Variants in NTMT1 observed in about 807,000 individuals in gnomAD.
NTMT1 encodes N-terminal RCC1 methyltransferase.
A neutral mutation model predicts 17.5 loss-of-function variants in NTMT1; 8 were observed. The ratio of observed to expected loss-of-function variants is 0.46; its 90% CI spans 0.27 to 0.82. The LOEUF (loss-of-function observed/expected upper bound fraction) is 0.82, where lower values mean the gene tolerates loss of function less well. NTMT1 is among the 40% of genes least tolerant of loss of function. The pLI is 0.15. For missense variants in NTMT1, 221 were observed against 303.5 expected, an observed-to-expected ratio of 0.73 and a Z score of 2.02; for synonymous variants, 128 against 126.8, an observed-to-expected ratio of 1.01 and a Z score of -0.06.
chr9:129,615,595 G>T, intron 1 of NTMT1: 2 of 1,605,198 alleles, frequency 1.2e-6, no homozygotes, highest in Non-Finnish European at 1.7e-6. Context: ...TCCCCCGAGG[G>T]GTTGTGGGTC....
rs112667872 is a variant in NTMT1, at chr9:129,614,631, C to T, written c.-55+5453C>T. 0.19 allele frequency among the ~76,000 whole-genome samples: 28,275 copies of T among 152,178 alleles called. 3,039 individuals are homozygous for T. The highest frequency in any genetic ancestry group is 0.3 in the East Asian group (1,529 of 5,168). ...AAAATTCACTGGGAATGGCCAGGCG[C>T]GGTGGCTCATGCCTGTAATCCCAGC... On this transcript the variant is annotated intron_variant, in intron 1 of 3. Coordinates refer to the NTMT1 transcript ENST00000372486. This position sits in a 1 kb window ranked among gnomAD's most constrained non-coding sequence, Gnocchi z 4.4.
intron 1 of NTMT1, among the ~76,000 whole-genome samples, chr9:129,631,012 G>A (rs564289012): frequency 3.3e-5 from 5 of 152,276 alleles, no homozygotes; most frequent in African/African-American, 4.8e-5. Context: ...TCCAGGCCCC[G>A]TCTGCCTTTC....
chr9:129,633,316 C>T (rs999867436), intron 2 of NTMT1: 3 of 291,514 alleles, frequency 1.0e-5, no homozygotes, highest in African/African-American at 6.5e-5. Context: ...CTTCTTGTCT[C>T]ATGGCTGGCA....
intron 1 of NTMT1, among the ~76,000 whole-genome samples, chr9:129,617,640 T>C (rs955148201): frequency 2.0e-5 from 3 of 152,212 alleles, no homozygotes; most frequent in Non-Finnish European, 4.4e-5. Context: ...TTGGCCTGAT[T>C]GGTTGAACGT....
upstream of NTMT1, among the ~76,000 whole-genome samples, chr9:129,624,556 A>G (rs4509442): frequency 0.97 from 148,279 of 152,336 alleles, 72,190 homozygotes; most frequent in Middle Eastern, 0.99. Flanking sequence ...GTAGCTTTCA[A>G]CACATTTAGA....
At chr9:129,621,738 G>A (rs534167835), upstream of NTMT1, among the ~76,000 whole-genome samples, 29 of 152,160 alleles carry the variant, frequency 1.9e-4, no homozygotes, top group African/African-American at 7.0e-4. Flanking sequence ...CTCTGACACT[G>A]AGGGGTTTCT....
At position 129,613,154 on chromosome 9, in the gene NTMT1, G is replaced by A. The variant is rs570920263; in HGVS notation, c.-55+3976G>A. 9.3e-6 allele frequency: 15 copies of A among 1,613,812 alleles called. No individual in the cohort carries two copies. Among genetic ancestry groups the A allele is most frequent in the Admixed American group, 3.3e-5 (2 of 60,014 alleles). On this transcript the variant is annotated intron_variant, in intron 1 of 3. Coordinates refer to the NTMT1 transcript ENST00000372486. This position sits in a 1 kb window ranked among gnomAD's most constrained non-coding sequence, Gnocchi z 6.2. Reference sequence around the variant, plus strand: ...TCCAAGAAGGCTCGGAGGCTGCTTCGCGGCCTCTGAGCAGCGGCCTTCTTC... The same window carrying A: ...TCCAAGAAGGCTCGGAGGCTGCTTCACGGCCTCTGAGCAGCGGCCTTCTTC...
chr9:129,632,250 A>G (rs1247485644), intron 1 of NTMT1, among the ~76,000 whole-genome samples: 2 of 152,132 alleles, frequency 1.3e-5, no homozygotes, highest in Non-Finnish European at 2.9e-5. Context: ...GGACTTCAAG[A>G]CCAACCTTTG....
intron 1 of NTMT1, 100 bp from the exon 2 acceptor site, chr9:129,632,550 A>T (rs1831224692): frequency 2.6e-6 from 2 of 780,572 alleles, no homozygotes; most frequent in Non-Finnish European, 4.1e-6. Flanking sequence ...ACTCAGCAGG[A>T]TGTGTGACTT....
Position 129,613,126 on chromosome 9 carries a change from G to A in NTMT1, c.-55+3948G>A, listed in dbSNP as rs150167818. 1.1e-5 allele frequency: 17 copies of A among 1,613,876 alleles called. No homozygotes were observed. The highest frequency in any genetic ancestry group is 6.7e-5 in the African/African-American group (5 of 75,046). On this transcript the variant is annotated intron_variant, in intron 1 of 3. Coordinates refer to the NTMT1 transcript ENST00000372486. The surrounding 1 kb of genome is among the most constrained non-coding windows in gnomAD (Gnocchi z 6.2). The stretch of plus-strand genomic sequence containing the variant: ...GCCCACCTGCTCCAGGTTTCTGTGC[G>A]GGTCCAAGAAGGCTCGGAGGCTGCT...
chr9:129,610,589 C>CGCGGAG (rs970863424), intron 1 of NTMT1, among the ~76,000 whole-genome samples: 2 of 151,828 alleles, frequency 1.3e-5, no homozygotes, highest in Admixed American at 6.6e-5. Context: ...GAGCCAGCAG[C>CGCGGAG]GCGGAGGCGG....
Position 129,635,206 on chromosome 9 carries a change from A to G in NTMT1, c.416-2A>G. On this transcript the variant is annotated splice_acceptor_variant, in intron 3 of 3. Transcript: ENST00000372483. LOFTEE classifies it high-confidence loss of function. The stretch of plus-strand genomic sequence containing the variant: ...TGGTAACCTTGCCTCTGCCCTCCCC[A>G]GGCCACCTCACCGATCAGCACCTGG... The G allele has an allele frequency of 6.2e-7, 1 of 1,606,434 alleles. No homozygotes were observed. The highest frequency in any genetic ancestry group is 8.5e-7 in the Non-Finnish European group (1 of 1,178,838).
At chr9:129,635,153 A>G (rs1831458665) in intron 3 of NTMT1, 55 bp from the exon 4 acceptor site, 1 of 1,568,604 alleles carries the variant, frequency 6.4e-7, no homozygotes, top group Non-Finnish European at 8.6e-7. Context: ...CATCCCATCC[A>G]GTGCCGACAT....
intron 1 of NTMT1, chr9:129,619,610 C>T (rs1830569597): frequency 6.2e-7 from 1 of 1,613,986 alleles, no homozygotes; most frequent in Non-Finnish European, 8.5e-7. Context: ...CTTCGTAAGA[C>T]TATCCTGGAG....
intron 1 of NTMT1, among the ~76,000 whole-genome samples, chr9:129,611,454 A>G (rs1025701002): frequency 6.6e-6 from 1 of 152,178 alleles, no homozygotes; most frequent in African/African-American, 2.4e-5. Context: ...AGACTAGGAG[A>G]GAAACCGTGG....
At chr9:129,633,215 A>C in intron 2 of NTMT1, 1 of 403,736 alleles carries the variant, frequency 2.5e-6, no homozygotes, top group Non-Finnish European at 4.4e-6. Flanking sequence ...CTGGACGAAG[A>C]CTCCTAGTTA....
Position 129,613,652 on chromosome 9 carries a change from C to G in NTMT1, c.-55+4474C>G. 6.2e-7 allele frequency: 1 copy of G among 1,603,912 alleles called. No homozygotes were observed. The highest frequency in any genetic ancestry group is 1.1e-5 in the South Asian group (1 of 90,310). ...TGCCCAGGAGGAGGGCACTGGTGCC[C>G]CCACCCTCTTTTCCTCCCTCTGGCA... is the stretch of plus-strand genomic sequence containing the variant. On this transcript the variant is annotated intron_variant, in intron 1 of 3. Transcript: ENST00000372486. This position sits in a 1 kb window ranked among gnomAD's most constrained non-coding sequence, Gnocchi z 6.2.
At chr9:129,624,384 C>A (rs557519187), upstream of NTMT1, among the ~76,000 whole-genome samples, 1 of 152,326 alleles carries the variant, frequency 6.6e-6, no homozygotes, top group East Asian at 1.9e-4. Flanking sequence ...CAGGATCAAT[C>A]CCTTTGCTTA....
At position 129,620,035 on chromosome 9, in the gene NTMT1, G is replaced by A; in HGVS notation, c.-55+10857G>A. On this transcript the variant is annotated intron_variant, in intron 1 of 3. Transcript: ENST00000372486. This position sits in a 1 kb window ranked among gnomAD's most constrained non-coding sequence, Gnocchi z 5.8. ...GACCACCCCCCACCGGAAATGACTCGGGCCCGCCCCCCGGGCCCCGCGGGG... is the reference window on the plus strand; with the variant it reads ...GACCACCCCCCACCGGAAATGACTCAGGCCCGCCCCCCGGGCCCCGCGGGG... 1 of 1,454,298 alleles carries A rather than the reference G, an allele frequency of 6.9e-7. No individual in the cohort carries two copies. The highest frequency in any genetic ancestry group is 1.5e-5 in the South Asian group (1 of 68,824). 90.1% of individuals were successfully genotyped at this position (1,454,298 alleles called of 1,614,324 possible).
Sources: allele counts gnomAD v4.1 joint callset (sites outside exome capture counted in the v4.1 genomes callset), GRCh38; gene constraint gnomAD v4.1.1; non-coding constraint Gnocchi (gnomAD v3.1); transcripts MANE v1.5; gene names NCBI Gene and HGNC (gene_info 2026-07-23, HGNC 2026-07-21).